Variants in ZNF563 observed in about 807,000 individuals in gnomAD.
ZNF563 encodes zinc finger protein 563.
Under a neutral mutation model 48.5 loss-of-function variants are expected in ZNF563, and 39 were observed. The ratio of observed to expected loss-of-function variants is 0.80; its 90% CI spans 0.62 to 1.05. The LOEUF (loss-of-function observed/expected upper bound fraction) is 1.05, where lower values mean the gene tolerates loss of function less well. Among genes scored for constraint, ZNF563 ranks in the 50% least tolerant of loss-of-function variants. ZNF563 has a pLI of 0.00. For synonymous variants in ZNF563, 168 were observed against 187.9 expected (o/e 0.89, Z 0.87); for missense variants, 538 against 597.0 (o/e 0.90, Z 1.03).
chr19:12,342,218 A>G, the ZNF563 span, among the ~76,000 whole-genome samples: 1 of 152,008 alleles, frequency 6.6e-6, no homozygotes, highest in South Asian at 2.1e-4. Context: ...AGGTCTTACT[A>G]TGTTGCCCAG....
Position 12,319,144 on chromosome 19 carries a change from C to A in ZNF563, c.881G>T (p.Ser294Ile). 6.2e-7 allele frequency: 1 copy of A among 1,614,038 alleles called. No individual in the cohort carries two copies. Among genetic ancestry groups the A allele is most frequent in the Non-Finnish European group, 8.5e-7 (1 of 1,180,014 alleles). The change falls in exon 4 of 4, where the codon AGT (serine) becomes ATT (isoleucine). Residue 294 changes from serine (S) to isoleucine (I), a missense_variant. Physicochemically the swap from Ser to Ile is moderately radical, Grantham distance 142. Transcript: ENST00000293725. ...AGTGGTTTCATGTCTTCGAAGGGAA[C>A]TGGAAACACTGAAGGCTTTCCCACA... ...KQCGKAFSVS[S>I]SLRRHETTHS...
the ZNF563 span, among the ~76,000 whole-genome samples, chr19:12,339,440 C>T: frequency 0.049 from 7,432 of 151,890 alleles, 603 homozygotes; most frequent in African/African-American, 0.17. Context: ...CCACTACGCC[C>T]GGCTAATTTT....
chr19:12,344,362 C>CA, the ZNF563 span, among the ~76,000 whole-genome samples: 9,930 of 72,520 alleles, frequency 0.14, 476 homozygotes, highest in Middle Eastern at 0.2. Flanking sequence ...GACATTGTCT[C>CA]AAAAAAAAAA....
rs1342482373 is a variant in ZNF563 at position 12,327,783 on chromosome 19, T to C, written c.4-5072A>G. On this transcript the variant is annotated intron_variant, in intron 1 of 3. Coordinates refer to ENST00000293725, the MANE Select transcript of ZNF563 (RefSeq NM_145276.3). ...TATTACATTCAGACAAATCGGGTTT[T>C]AGATTAAGGAAAATTATAAGGCATA... Among the ~76,000 whole-genome samples the C allele has an allele frequency of 2.6e-5, 4 of 152,212 alleles. No homozygotes were observed. The South Asian group carries it at 6.2e-4, about 24-fold the overall frequency.
rs1968508674 is a variant in ZNF563 at position 12,318,854 on chromosome 19, C to T, written c.1171G>A (p.Gly391Arg). 1 of 1,613,764 alleles carries T rather than the reference C, an allele frequency of 6.2e-7. No homozygotes were observed. The highest frequency in any genetic ancestry group is 8.5e-7 in the Non-Finnish European group (1 of 1,179,942). Residue 391 changes from glycine (G) to arginine (R), a missense_variant, in exon 4 of 4, where the codon GGA (glycine) becomes AGA (arginine). Coordinates refer to ENST00000293725, the MANE Select transcript of ZNF563 (RefSeq NM_145276.3). ...RRHMIMHTGG[G>R]PHKCKICGKA... ...CCACATATCTTGCATTTATGAGGTC[C>T]ACCTCCAGTGTGCATTATCATGTGT...
intron 1 of ZNF563, 61 bp downstream of exon 1, chr19:12,333,419 G>C: frequency 1.2e-6 from 2 of 1,606,768 alleles, no homozygotes; most frequent in South Asian, 2.2e-5. Flanking sequence ...GCCGCGGCCG[G>C]TTCTGGACGG....
chr19:12,320,106 C>T (rs1330772287), intron 3 of ZNF563, among the ~76,000 whole-genome samples: 2 of 152,140 alleles, frequency 1.3e-5, no homozygotes, highest in Admixed American at 6.5e-5. Context: ...CTAGTAGAGA[C>T]AGGGTTTTGC....
At chr19:12,325,895 T>C (rs909647216) in intron 1 of ZNF563, among the ~76,000 whole-genome samples, 11 of 152,196 alleles carry the variant, frequency 7.2e-5, no homozygotes, top group South Asian at 2.1e-4. Flanking sequence ...GTACATCAGA[T>C]AGGGAATAGA....
chr19:12,340,824 T>C, the ZNF563 span, among the ~76,000 whole-genome samples: 1 of 152,096 alleles, frequency 6.6e-6, no homozygotes, highest in Non-Finnish European at 1.5e-5. Flanking sequence ...AATACTGTTT[T>C]TCAAAAGTGA....
Position 12,319,239 on chromosome 19 carries a change from C to G in ZNF563, c.786G>C (p.Leu262Phe). The change falls in exon 4 of 4, where the codon TTG becomes TTC. Residue 262 changes from leucine (L) to phenylalanine (F), a missense_variant. Leu to Phe is a conservative substitution (Grantham distance 22). Coordinates refer to ENST00000293725, the MANE Select transcript of ZNF563 (RefSeq NM_145276.3). The part of the protein sequence containing the change: ...PYECKQCSKA[L>F]PDSSSYIRHE... ...GTCTTATATAGGAACTGGAATCAGGCAAGGCTTTAGAACACTGCTTACATT... is the reference window on the plus strand; with the variant it reads ...GTCTTATATAGGAACTGGAATCAGGGAAGGCTTTAGAACACTGCTTACATT... The G allele has an allele frequency of 6.2e-7, 1 of 1,613,654 alleles. No individual in the cohort carries two copies. The highest frequency in any genetic ancestry group is 8.5e-7 in the Non-Finnish European group (1 of 1,179,930).
In ZNF563 at chr19:12,319,208, T is replaced by G. The variant is rs776530726; in HGVS notation, c.817A>C (p.Arg273=). ...PDSSSYIRHE[R]THTGEKPYTC... ...TATGGTTTCTCTCCAGTGTGAGTTC[T>G]TTCATGTCTTATATAGGAACTGGAA... Residue 273 remains arginine, a synonymous_variant, in exon 4 of 4, where the codon AGA becomes CGA. Transcript: ENST00000293725. 1 of 1,614,182 alleles carries G rather than the reference T, an allele frequency of 6.2e-7. No individual in the cohort carries two copies. The highest frequency in any genetic ancestry group is 8.5e-7 in the Non-Finnish European group (1 of 1,180,034).
rs146209272 is a variant in ZNF563, at chr19:12,328,709, C to A, written c.3+4771G>T. Among the ~76,000 whole-genome samples, 983 of 151,984 alleles carry A rather than the reference C, an allele frequency of 6.5e-3. 10 individuals carry two copies. Among genetic ancestry groups the A allele is most frequent in the African/African-American group, 0.022 (932 of 41,456 alleles). On this transcript the variant is annotated intron_variant, in intron 1 of 3. Transcript: ENST00000293725. Reference sequence around the variant, plus strand: ...ACTTGAACCCAGGAGGTGGAGGTTGCGGTGAGCCGAAATTGTGCCACTGTA... The same window carrying A: ...ACTTGAACCCAGGAGGTGGAGGTTGAGGTGAGCCGAAATTGTGCCACTGTA...
chr19:12,333,339 G>A (rs1170269368), intron 1 of ZNF563, 141 bp downstream of exon 1: 22 of 1,179,766 alleles, frequency 1.9e-5, no homozygotes, highest in Non-Finnish European at 2.3e-5. Context: ...TGAGGGGACC[G>A]AGGGTCGAGC....
chr19:12,339,069 G>C, the ZNF563 span, among the ~76,000 whole-genome samples: 1 of 152,062 alleles, frequency 6.6e-6, no homozygotes, highest in Non-Finnish European at 1.5e-5. Flanking sequence ...CAGGAGTTTG[G>C]CTATGAACTC....
chr19:12,321,156 T>A (rs2145801740), intron 3 of ZNF563, 116 bp downstream of exon 3: 1 of 757,850 alleles, frequency 1.3e-6, no homozygotes, highest in South Asian at 2.0e-5. Context: ...AAAGTTAATT[T>A]AAAAAATTAA....
At chr19:12,330,290 C>G (rs1968890901) in intron 1 of ZNF563, among the ~76,000 whole-genome samples, 1 of 152,148 alleles carries the variant, frequency 6.6e-6, no homozygotes, top group African/African-American at 2.4e-5. Context: ...ACAGACATTA[C>G]AGACATATCT....
intron 1 of ZNF563, among the ~76,000 whole-genome samples, chr19:12,324,168 G>T (rs1300145556): frequency 6.6e-6 from 1 of 151,900 alleles, no homozygotes; most frequent in Non-Finnish European, 1.5e-5. Context: ...GACCAGCCTG[G>T]GCAACATGGC....
chr19:12,322,626 CTG>C lies in ZNF563; in HGVS notation c.87_88del (p.Tyr29Ter), dbSNP rs769497216. The C allele has an allele frequency of 2.5e-6, 4 of 1,608,882 alleles. No homozygotes were observed. The South Asian group carries it at 4.4e-5, about 18-fold the overall frequency. On this transcript the variant is annotated stop_gained and frameshift_variant, in exon 2 of 4. Transcript: ENST00000293725. LOFTEE classifies it high-confidence loss of function. ...CCTGATGGTTTCTTGCATCACATATCTGTATAAATTCTTCTGTGATGGACCCA... is the reference window on the plus strand; with the variant it reads ...CCTGATGGTTTCTTGCATCACATATCTATAAATTCTTCTGTGATGGACCCA...
chr19:12,342,791 A>G, the ZNF563 span, among the ~76,000 whole-genome samples: 29 of 150,148 alleles, frequency 1.9e-4, no homozygotes, highest in Admixed American at 3.9e-4. Flanking sequence ...AAAAAAAAAA[A>G]AAAGGAAAAG....
Sources: allele counts gnomAD v4.1 joint callset (sites outside exome capture counted in the v4.1 genomes callset), GRCh38; gene constraint gnomAD v4.1.1; transcripts MANE v1.5; gene names NCBI Gene and HGNC (gene_info 2026-07-23, HGNC 2026-07-21).